Variants in MED24 observed in about 807,000 individuals in gnomAD.
MED24 encodes mediator complex subunit 24, also known as mediator of RNA polymerase II transcription subunit 24.
Under a neutral mutation model 118.8 loss-of-function variants are expected in MED24, and 74 were observed. The observed-to-expected ratio is 0.62, with a 90% CI of 0.52 to 0.76. MED24 has a LOEUF of 0.76. Among genes scored for constraint, MED24 ranks in the 30% least tolerant of loss-of-function variants. MED24 has a pLI of 0.00. For missense variants in MED24, 1,041 were observed against 1,278.9 expected (o/e 0.81, Z 2.84); for synonymous variants, 521 against 523.9 (o/e 0.99, Z 0.08).
chr17:40,043,201 G>A (rs999263522), intron 3 of MED24, among the ~76,000 whole-genome samples: 1 of 152,138 alleles, frequency 6.6e-6, no homozygotes, highest in African/African-American at 2.4e-5. Context: ...ACCCACCTCG[G>A]CCTCCCAAAG....
rs777686738 is a variant in MED24, at chr17:40,023,399, G to A, written c.1986-4C>T. The stretch of plus-strand genomic sequence containing the variant: ...GATCGAGTTCATGATCACCACCCTG[G>A]GGGAGGGCCGAGAGAACCTGAGGCT... On this transcript the variant is annotated splice_polypyrimidine_tract_variant and splice_region_variant and intron_variant, in intron 19 of 25. Coordinates refer to ENST00000394128, the MANE Select transcript of MED24 (RefSeq NM_014815.4). 3 of 1,580,730 alleles carry A rather than the reference G, an allele frequency of 1.9e-6. No homozygotes were observed. Among genetic ancestry groups the A allele is most frequent in the East Asian group, 2.2e-5 (1 of 44,584 alleles).
At position 40,023,296 on chromosome 17, in the gene MED24, C is replaced by T; in HGVS notation, c.2085G>A (p.Met695Ile). 1.2e-6 allele frequency: 2 copies of T among 1,614,134 alleles called. No homozygotes were observed. Among genetic ancestry groups the T allele is most frequent in the Non-Finnish European group, 1.7e-6 (2 of 1,180,010 alleles). The change falls in exon 20 of 26, where the codon ATG becomes ATA. Residue 695 changes from methionine to isoleucine, a missense_variant. Physicochemically the swap from Met to Ile is conservative, Grantham distance 10. Transcript: ENST00000394128. ...TGGGGGGCAGCAGGTTCCAGTAGGG[C>T]ATTGTGTCCACCCCGGTGGAGGGAA... ...IKFPSTGVDT[M>I]PYWNLLPPKR... is the part of the protein sequence containing the mutation.
In MED24 at chr17:40,019,455, T is replaced by C. The variant is rs1365089671; in HGVS notation, c.*74A>G. 2 of 1,292,238 alleles carry C rather than the reference T, an allele frequency of 1.5e-6. No individual in the cohort carries two copies. Among genetic ancestry groups the C allele is most frequent in the Non-Finnish European group, 2.2e-6 (2 of 906,286 alleles). 80.0% of individuals were successfully genotyped at this position (1,292,238 alleles called of 1,614,324 possible). On this transcript the variant is annotated 3_prime_UTR_variant, in exon 26 of 26. Transcript: ENST00000394128. ...GGATGTGAGGCACGATGCCTCATCT[T>C]TCCTCACTGCTTCCCTTGGAGGCGC...
Position 40,048,656 on chromosome 17 carries a change from C to T in MED24, c.213+4642G>A, listed in dbSNP as rs1034280093. ...GCAGGCTCCACTTCCCGGGTTCAAG[C>T]GATTCTCCTGCCTCAGCCTCCTGAG... On this transcript the variant is annotated intron_variant, in intron 3 of 25. Transcript: ENST00000394128. 4.6e-5 allele frequency among the ~76,000 whole-genome samples: 7 copies of T among 152,084 alleles called. No homozygotes were observed. The South Asian group carries it at 1.2e-3, about 27-fold the overall frequency.
At position 40,026,321 on chromosome 17, in the gene MED24, T is replaced by C. The variant is rs1342356748; in HGVS notation, c.1820A>G (p.Asp607Gly). Residue 607 changes from aspartate to glycine, a missense_variant, in exon 19 of 26, where the codon GAT becomes GGT. Coordinates refer to ENST00000394128, the MANE Select transcript of MED24 (RefSeq NM_014815.4). ...LAFESIQKIT[D>G]NIKGKVCSLA... ...ACTGCATACCTTCCCTTTGATGTTA[T>C]CAGTGATTTTCTAGGGGAGACGGAA... The C allele has an allele frequency of 6.2e-7, 1 of 1,613,560 alleles. No individual in the cohort carries two copies. Among genetic ancestry groups the C allele is most frequent in the Admixed American group, 1.7e-5 (1 of 59,998 alleles).
At chr17:40,040,785 A>ATT (rs1395582547) in intron 3 of MED24, among the ~76,000 whole-genome samples, 1 of 151,202 alleles carries the variant, frequency 6.6e-6, no homozygotes, top group Non-Finnish European at 1.5e-5. Context: ...CATCCAGCTT[A>ATT]TTTTTGTATT....
chr17:40,031,691 C>T, intron 10 of MED24, 71 bp from the exon 11 acceptor site: 1 of 1,430,614 alleles, frequency 7.0e-7, no homozygotes, highest in South Asian at 1.2e-5. Context: ...GCAACCTTGT[C>T]TGCTGGAGGC....
intron 3 of MED24, among the ~76,000 whole-genome samples, chr17:40,042,974 T>C (rs1228183337): frequency 1.3e-5 from 2 of 152,220 alleles, no homozygotes; most frequent in Admixed American, 6.5e-5. Context: ...TATTTTGAGA[T>C]AGGATCTCAC....
In MED24 at chr17:40,042,077, A is replaced by T. The variant is rs192452659; in HGVS notation, c.214-5923T>A. Among the ~76,000 whole-genome samples, 238 of 152,328 alleles carry T rather than the reference A, an allele frequency of 1.6e-3. 1 individual carries two copies. The highest frequency in any genetic ancestry group is 5.5e-3 in the African/African-American group (230 of 41,576). The stretch of plus-strand genomic sequence containing the variant: ...GGGTCCTTTAAAGACAAAATATGCC[A>T]GACTCAATGATATCCCCATCTTCTG... On this transcript the variant is annotated intron_variant, in intron 3 of 25. Coordinates refer to ENST00000394128, the MANE Select transcript of MED24 (RefSeq NM_014815.4).
At chr17:40,045,355 A>C (rs182347029) in intron 3 of MED24, among the ~76,000 whole-genome samples, 34 of 152,184 alleles carry the variant, frequency 2.2e-4, no homozygotes, top group Admixed American at 2.2e-3. Flanking sequence ...AGGCTGAGGC[A>C]GGAGAATCAC....
Position 40,033,870 on chromosome 17 carries a change from C to T in MED24, c.560-414G>A. The T allele has an allele frequency of 2.5e-6, 1 of 395,272 alleles. No individual in the cohort carries two copies. Among genetic ancestry groups the T allele is most frequent in the South Asian group, 1.9e-5 (1 of 53,974 alleles). 24.5% of individuals were successfully genotyped at this position (395,272 alleles called of 1,614,324 possible). A position where few individuals can be genotyped will look rare whatever the true frequency, so the allele number is the denominator to read the frequency against. On this transcript the variant is annotated intron_variant, in intron 6 of 25. Transcript: ENST00000394128. The surrounding 1 kb of genome is among the most constrained non-coding windows in gnomAD (Gnocchi z 5.2). The stretch of plus-strand genomic sequence containing the variant: ...CACTCTCCTCTGGGGGAACTGGGTC[C>T]CTAAATGGCTTTCTCATTCTCAACC...
chr17:40,044,943 C>T (rs1443848496), intron 3 of MED24, among the ~76,000 whole-genome samples: 2 of 151,592 alleles, frequency 1.3e-5, no homozygotes, highest in Non-Finnish European at 1.5e-5. Context: ...TCAGACATTA[C>T]GGATGGGGTA....
At chr17:40,032,964 A>G (rs1598349234) in intron 8 of MED24, 92 bp downstream of exon 8, 2 of 1,535,988 alleles carry the variant, frequency 1.3e-6, no homozygotes, top group South Asian at 2.4e-5. Context: ...GAGAAACCCC[A>G]CTTCTCCCAG....
intron 3 of MED24, among the ~76,000 whole-genome samples, chr17:40,044,133 A>C (rs918746871): frequency 1.4e-5 from 2 of 147,772 alleles, no homozygotes; most frequent in Non-Finnish European, 3.0e-5. Flanking sequence ...GTCTCACAAA[A>C]AAAAAAAAAA....
chr17:40,035,404 C>T, intron 5 of MED24, 55 bp from the exon 6 acceptor site: 1 of 1,499,646 alleles, frequency 6.7e-7, no homozygotes, highest in Non-Finnish European at 9.0e-7. Context: ...GAAATCCGAC[C>T]CACATCAATG....
chr17:40,028,948 A>C lies in MED24; in HGVS notation c.1287T>G (p.Ser429=). The C allele has an allele frequency of 6.2e-7, 1 of 1,614,242 alleles. No individual in the cohort carries two copies. The highest frequency in any genetic ancestry group is 1.1e-5 in the South Asian group (1 of 91,080). ...CTCCCAGCAGTCCCTCCGGTGACTTAGAGTGGTCTGCATCCATCGTCTGGG... is the reference window on the plus strand; with the variant it reads ...CTCCCAGCAGTCCCTCCGGTGACTTCGAGTGGTCTGCATCCATCGTCTGGG... ...NILKTMDADH[S]KSPEGLLGVL... Residue 429 remains serine (S), a synonymous_variant, in exon 14 of 26, where the codon TCT becomes TCG. Transcript: ENST00000394128.
intron 3 of MED24, among the ~76,000 whole-genome samples, chr17:40,039,822 C>T (rs1478881516): frequency 2.8e-5 from 4 of 144,294 alleles, no homozygotes; most frequent in Non-Finnish European, 1.5e-5. Context: ...CTTGCTCTCT[C>T]GCCCAGGCTG....
rs759439740 is a variant in MED24, at chr17:40,019,640, C to T, written c.2859G>A (p.Ser953=). The T allele has an allele frequency of 1.3e-5, 21 of 1,592,032 alleles. No homozygotes were observed. The highest frequency in any genetic ancestry group is 6.7e-5 in the East Asian group (3 of 44,500). The change falls in exon 26 of 26, where the codon TCG becomes TCA. Residue 953 remains serine (S), a synonymous_variant. Transcript: ENST00000394128. ...ACATGGCTGACACCTTCACCAGTTC[C>T]GACACCTGCCACGGACAGACAGATG... ...VLQFMPFTTV[S]ELVKVSAMSS...
chr17:40,026,407 G>C, intron 18 of MED24, 76 bp from the exon 19 acceptor site: 2 of 1,547,230 alleles, frequency 1.3e-6, no homozygotes, highest in African/African-American at 1.4e-5. Context: ...CAGCCTCTGC[G>C]GGCAGCTAAG....
Sources: allele counts gnomAD v4.1 joint callset (sites outside exome capture counted in the v4.1 genomes callset), GRCh38; gene constraint gnomAD v4.1.1; non-coding constraint Gnocchi (gnomAD v3.1); transcripts MANE v1.5; gene names NCBI Gene and HGNC (gene_info 2026-07-23, HGNC 2026-07-21).